Variants in CSMD1 observed in about 807,000 individuals in gnomAD.
The protein encoded by CSMD1 is CUB and sushi domain-containing protein 1.
In CSMD1, 213 loss-of-function variants were observed where a neutral mutation model predicts 417.5. The ratio of observed to expected loss-of-function variants is 0.51; its 90% CI spans 0.46 to 0.57. The LOEUF (loss-of-function observed/expected upper bound fraction) is 0.57, where lower values mean the gene tolerates loss of function less well. Among genes scored for constraint, CSMD1 ranks in the 20% least tolerant of loss-of-function variants. CSMD1 has a pLI of 0.00. For synonymous variants in CSMD1, 2,862 were observed against 1,736.8 expected, an observed-to-expected ratio of 1.65 and a Z score of -16.11; for missense variants, 6,923 against 4,529.7, an observed-to-expected ratio of 1.53 and a Z score of -15.17.
chr8:3,772,158 A>G (rs1798606575), intron 5 of CSMD1, among the ~76,000 whole-genome samples: 1 of 132,742 alleles, frequency 7.5e-6, no homozygotes, highest in East Asian at 2.1e-4. Context: ...GAATTCTCAG[A>G]AAGGGCAACA....
intron 1 of CSMD1, among the ~76,000 whole-genome samples, chr8:4,720,352 T>C (rs1377490501): frequency 6.6e-6 from 1 of 152,110 alleles, no homozygotes; most frequent in Non-Finnish European, 1.5e-5. Context: ...TACCATGTAT[T>C]ATCTCAAGGA....
intron 1 of CSMD1, among the ~76,000 whole-genome samples, chr8:4,646,928 C>T (rs190614155): frequency 3.9e-5 from 6 of 152,170 alleles, no homozygotes; most frequent in South Asian, 2.1e-4. Context: ...AATTAGTACA[C>T]ACATTTTTAA....
At position 3,796,300 on chromosome 8, in the gene CSMD1, C is replaced by T. The variant is rs1800121509; in HGVS notation, c.819-42258G>A. On this transcript the variant is annotated intron_variant, in intron 5 of 69. Coordinates refer to ENST00000635120, the MANE Select transcript of CSMD1 (RefSeq NM_033225.6). ...ATCTATCATGTATAGATATATCTAT[C>T]ATGTATAGATATAGATATCTATCAT... Among the ~76,000 whole-genome samples the T allele has an allele frequency of 2.1e-5, 2 of 93,770 alleles. 1 individual carries two copies. Among genetic ancestry groups the T allele is most frequent in the Non-Finnish European group, 4.2e-5 (2 of 47,272 alleles). 61.5% of individuals were successfully genotyped at this position (93,770 alleles called of 152,430 possible). A position where few individuals can be genotyped will look rare whatever the true frequency, so the allele number is the denominator to read the frequency against.
chr8:3,371,467 G>C (rs1809941869), intron 18 of CSMD1, among the ~76,000 whole-genome samples: 1 of 126,604 alleles, frequency 7.9e-6, no homozygotes, highest in Non-Finnish European at 1.6e-5. Context: ...CATTTCACAA[G>C]GTTCCTTTGC....
chr8:4,712,106 G>C (rs77476371), intron 1 of CSMD1, among the ~76,000 whole-genome samples: 3,281 of 152,310 alleles, frequency 0.022, 51 homozygotes, highest in South Asian at 0.031. Context: ...GCCCCTGGAA[G>C]TCAATCAATG....
At chr8:3,542,459 T>A (rs1798481138) in intron 10 of CSMD1, among the ~76,000 whole-genome samples, 1 of 152,230 alleles carries the variant, frequency 6.6e-6, no homozygotes. Flanking sequence ...ACTGACAGTC[T>A]CTGACCTTGC....
chr8:4,184,191 G>C (rs1002664771), intron 3 of CSMD1, among the ~76,000 whole-genome samples: 2 of 152,134 alleles, frequency 1.3e-5, no homozygotes, highest in African/African-American at 4.8e-5. Flanking sequence ...TATTAAATCT[G>C]TGTCAGTCTG....
At chr8:4,172,244 C>T (rs1700124) in intron 3 of CSMD1, among the ~76,000 whole-genome samples, 140,939 of 152,250 alleles carry the variant, frequency 0.93, 65,335 homozygotes, top group African/African-American at 0.97. Context: ...CAAGTCTGCA[C>T]TGAACAAATG....
intron 3 of CSMD1, among the ~76,000 whole-genome samples, chr8:4,109,175 A>T (rs1051229329): frequency 6.6e-6 from 1 of 152,210 alleles, no homozygotes; most frequent in Non-Finnish European, 1.5e-5. Context: ...ATGCTGTATT[A>T]TTCATGGAAT....
At chr8:2,968,810 G>C (rs1427908358) in intron 57 of CSMD1, among the ~76,000 whole-genome samples, 2 of 152,110 alleles carry the variant, frequency 1.3e-5, no homozygotes, top group African/African-American at 4.8e-5. Flanking sequence ...TAACCTGTAA[G>C]TTTAAACTTT....
At chr8:4,104,617 T>C (rs1424958576) in intron 3 of CSMD1, among the ~76,000 whole-genome samples, 2 of 152,176 alleles carry the variant, frequency 1.3e-5, no homozygotes, top group Non-Finnish European at 2.9e-5. Context: ...AATTAGAGTG[T>C]CTGGAATGAG....
At chr8:3,490,770 C>A (rs1818326610) in intron 11 of CSMD1, among the ~76,000 whole-genome samples, 1 of 152,144 alleles carries the variant, frequency 6.6e-6, no homozygotes, top group Non-Finnish European at 1.5e-5. Flanking sequence ...TGTCCCAGGT[C>A]AAAGGCAGGC....
At chr8:4,088,459 C>A (rs935081774) in intron 3 of CSMD1, among the ~76,000 whole-genome samples, 1 of 152,206 alleles carries the variant, frequency 6.6e-6, no homozygotes, top group African/African-American at 2.4e-5. Context: ...TCTCTCTATC[C>A]ATTCCCCAAC....
chr8:3,205,525 T>C lies in CSMD1; in HGVS notation c.4963A>G (p.Ile1655Val). Residue 1655 changes from isoleucine (I) to valine (V), a missense_variant, in exon 31 of 70, where the codon ATC becomes GTC. Ile to Val is a conservative substitution (Grantham distance 29). Coordinates refer to ENST00000635120, the MANE Select transcript of CSMD1 (RefSeq NM_033225.6). Reference sequence around the variant, plus strand: ...TTACCGAATTCCTTTGGTACCGTGATGGAATAGAGGCATATTTGACCAGCT... The same window carrying C: ...TTACCGAATTCCTTTGGTACCGTGACGGAATAGAGGCATATTTGACCAGCT... The part of the protein sequence containing the change: ...YTAGQICLYS[I>V]TVPKEFVVFG... 6 of 1,575,716 alleles carry C rather than the reference T, an allele frequency of 3.8e-6. No homozygotes were observed. The highest frequency in any genetic ancestry group is 5.2e-6 in the Non-Finnish European group (6 of 1,151,408).
intron 10 of CSMD1, among the ~76,000 whole-genome samples, chr8:3,547,105 T>C (rs6999512): frequency 0.44 from 66,239 of 151,904 alleles, 14,654 homozygotes; most frequent in East Asian, 0.53. Flanking sequence ...GGGCTACAGG[T>C]TGGCCAACCC....
chr8:4,882,188 T>G (rs1243303360), intron 1 of CSMD1, among the ~76,000 whole-genome samples: 1 of 151,934 alleles, frequency 6.6e-6, no homozygotes, highest in Non-Finnish European at 1.5e-5. Context: ...CACTAGACGG[T>G]GGTGTACACT....
rs142838930 is a variant in CSMD1 at position 3,493,835 on chromosome 8, A to G, written c.1345-109T>C. ...CTGTTAAATTTTGCTCCTTAATGCCAATGTCAAATGATCCCAGAGCTGCTT... is the reference window on the plus strand; with the variant it reads ...CTGTTAAATTTTGCTCCTTAATGCCGATGTCAAATGATCCCAGAGCTGCTT... On this transcript the variant is annotated intron_variant, in intron 10 of 69. Coordinates refer to ENST00000635120, the MANE Select transcript of CSMD1 (RefSeq NM_033225.6). 3.1e-4 allele frequency: 235 copies of G among 751,564 alleles called. 1 individual carries two copies. The African/African-American group carries it at 3.7e-3, about 12-fold the overall frequency. The allele number at this position is 751,564 out of a possible 1,614,324, so 46.6% of individuals were successfully genotyped here.
At position 3,495,066 on chromosome 8, in the gene CSMD1, A is replaced by G. The variant is rs552099372; in HGVS notation, c.1345-1340T>C. ...ATAGCCATTATAATTTATTTAAAAA[A>G]CCTACTATTTCAAATTGCAGTATTT... is the stretch of plus-strand genomic sequence containing the variant. On this transcript the variant is annotated intron_variant, in intron 10 of 69. Transcript: ENST00000635120. 2.6e-5 allele frequency among the ~76,000 whole-genome samples: 4 copies of G among 152,320 alleles called. No homozygotes were observed. The East Asian group carries it at 5.8e-4, about 22-fold the overall frequency.
At chr8:4,752,729 G>C (rs192195185) in intron 1 of CSMD1, among the ~76,000 whole-genome samples, 159 of 152,280 alleles carry the variant, frequency 1.0e-3, no homozygotes, top group African/African-American at 3.6e-3. Flanking sequence ...CAACGAAAAA[G>C]TTGCTTCTTG....
Sources: gnomAD v4.1 joint callset for allele counts (sites outside exome capture counted in the v4.1 genomes callset) on GRCh38, gnomAD v4.1.1 for gene constraint, MANE v1.5 for transcripts, NCBI Gene and HGNC (gene_info 2026-07-23, HGNC 2026-07-21) for gene names.